KCNMA1: variants seen among roughly 807,000 people sequenced by gnomAD.
KCNMA1 encodes the protein Calcium-activated potassium channel subunit alpha-1.
Under a neutral mutation model 140.0 loss-of-function variants are expected in KCNMA1, and 29 were observed. The observed-to-expected ratio is 0.21, with a 90% CI of 0.15 to 0.28. The LOEUF (loss-of-function observed/expected upper bound fraction) is 0.28. Among genes scored for constraint, KCNMA1 ranks in the 10% least tolerant of loss-of-function variants. The probability of loss-of-function intolerance (pLI) is 1.00; values close to 1 mark genes in which losing one functional copy is unlikely to be tolerated. For missense variants in KCNMA1, 880 were observed against 1,602.2 expected (o/e 0.55, Z 7.70); for synonymous variants, 612 against 611.9 (o/e 1.00, Z 0.00).
chr10:77,560,044 G>T (rs190311527), intron 1 of KCNMA1, among the ~76,000 whole-genome samples: 2 of 152,012 alleles, frequency 1.3e-5, no homozygotes, highest in Non-Finnish European at 1.5e-5. Context: ...TCAGCCAGGC[G>T]TGGTGGCGGG....
intron 15 of KCNMA1, among the ~76,000 whole-genome samples, chr10:77,034,908 C>T (rs2094210005): frequency 6.6e-6 from 1 of 152,122 alleles, no homozygotes. Context: ...AATAGGTTCC[C>T]GGTGAGATTC....
chr10:77,494,157 A>G (rs2040972209), intron 1 of KCNMA1, among the ~76,000 whole-genome samples: 1 of 152,230 alleles, frequency 6.6e-6, no homozygotes, highest in African/African-American at 2.4e-5. Flanking sequence ...TGGGATAACC[A>G]TGGGAGAGGA....
intron 5 of KCNMA1, among the ~76,000 whole-genome samples, chr10:77,174,658 A>C (rs1008097164): frequency 1.1e-4 from 16 of 152,192 alleles, no homozygotes. Context: ...TTTTAAGTGG[A>C]TTGGTAAGCC....
At chr10:77,440,305 G>A (rs77329723) in intron 1 of KCNMA1, among the ~76,000 whole-genome samples, 5,691 of 152,280 alleles carry the variant, frequency 0.037, 372 homozygotes, top group African/African-American at 0.13. Context: ...ACTCTACAAG[G>A]TGGGTGTGAC....
intron 1 of KCNMA1, chr10:77,636,982 G>A: frequency 1.4e-6 from 2 of 1,408,210 alleles, no homozygotes; most frequent in Non-Finnish European, 1.8e-6. Flanking sequence ...CCCGACCCCG[G>A]CCCCAGCCGC....
At chr10:77,027,309 C>T (rs1010109371) in intron 16 of KCNMA1, among the ~76,000 whole-genome samples, 3 of 152,166 alleles carry the variant, frequency 2.0e-5, no homozygotes, top group Admixed American at 1.3e-4. Flanking sequence ...ACTCTCCTGG[C>T]TCATTTACAT....
chr10:77,373,627 C>G (rs1482135112), intron 2 of KCNMA1: 1 of 152,140 alleles, frequency 6.6e-6, no homozygotes, highest in African/African-American at 2.4e-5. Context: ...CGAGGAGACA[C>G]TATGTTTGTC....
chr10:77,153,877 G>A (rs2098453193), intron 5 of KCNMA1, among the ~76,000 whole-genome samples: 1 of 152,164 alleles, frequency 6.6e-6, no homozygotes, highest in South Asian at 2.1e-4. Context: ...CTAATGGACA[G>A]GAGTCTCCGG....
chr10:77,536,507 G>A (rs2058918768), intron 1 of KCNMA1, among the ~76,000 whole-genome samples: 1 of 152,156 alleles, frequency 6.6e-6, no homozygotes, highest in Non-Finnish European at 1.5e-5. Context: ...ACAAAGCTAA[G>A]GGCTTCATAC....
intron 5 of KCNMA1, among the ~76,000 whole-genome samples, chr10:77,135,506 A>G (rs2097992467): frequency 6.6e-6 from 1 of 152,242 alleles, no homozygotes; most frequent in African/African-American, 2.4e-5. Context: ...ATATATTCAG[A>G]GGAAATGAAA....
At chr10:77,262,573 CG>C (rs2062305064) in intron 2 of KCNMA1, among the ~76,000 whole-genome samples, 1 of 143,654 alleles carries the variant, frequency 7.0e-6, no homozygotes, top group Admixed American at 6.9e-5. Flanking sequence ...TGATGGGAGG[CG>C]TTTTGGTCAT....
At chr10:77,198,596 T>TC (rs2041468795) in intron 3 of KCNMA1, among the ~76,000 whole-genome samples, 2 of 147,998 alleles carry the variant, frequency 1.4e-5, no homozygotes, top group African/African-American at 2.5e-5. Flanking sequence ...TATATATATT[T>TC]CTTAACATTT....
At chr10:77,561,974 G>T (rs2066544199) in intron 1 of KCNMA1, among the ~76,000 whole-genome samples, 2 of 152,198 alleles carry the variant, frequency 1.3e-5, no homozygotes, top group African/African-American at 4.8e-5. Context: ...GAATTCAACA[G>T]CCTCATTTTA....
rs563263025 is a variant in KCNMA1, at chr10:77,480,122, C to A, written c.379-76099G>T. On this transcript the variant is annotated intron_variant, in intron 1 of 27. Transcript: ENST00000286628. ...GGACTCTTGACCCCACCAAATACGA[C>A]GCCCATATATGTCAACTGTGGCATT... is the stretch of plus-strand genomic sequence containing the variant. 9.2e-5 allele frequency among the ~76,000 whole-genome samples: 14 copies of A among 152,358 alleles called. No homozygotes were observed. In the South Asian group the frequency reaches 2.7e-3, roughly 29 times the overall value.
chr10:77,270,224 A>C (rs1375263882), intron 2 of KCNMA1, among the ~76,000 whole-genome samples: 1 of 152,154 alleles, frequency 6.6e-6, no homozygotes, highest in East Asian at 1.9e-4. Flanking sequence ...AGACTCTCTA[A>C]CTCCAACTAA....
intron 1 of KCNMA1, among the ~76,000 whole-genome samples, chr10:77,589,137 C>T (rs1414513761): frequency 6.6e-6 from 1 of 152,192 alleles, no homozygotes; most frequent in Non-Finnish European, 1.5e-5. Flanking sequence ...ATGTACCAAT[C>T]CCTAATCTAG....
chr10:77,330,283 A>G (rs571908137), intron 2 of KCNMA1, among the ~76,000 whole-genome samples: 1 of 152,188 alleles, frequency 6.6e-6, no homozygotes, highest in Non-Finnish European at 1.5e-5. Flanking sequence ...CTCAGTCCAC[A>G]TCACAACAGA....
intron 3 of KCNMA1, among the ~76,000 whole-genome samples, chr10:77,210,977 T>C (rs2045871545): frequency 1.3e-5 from 2 of 152,186 alleles, no homozygotes; most frequent in Admixed American, 1.3e-4. Context: ...ATTGTTAAAA[T>C]GGCCATACTA....
At chr10:77,027,289 T>C (rs763671387) in intron 16 of KCNMA1, among the ~76,000 whole-genome samples, 37 of 152,196 alleles carry the variant, frequency 2.4e-4, no homozygotes, top group Non-Finnish European at 4.9e-4. Context: ...AGCTCCTGCC[T>C]CTGAGCTCCA....
Sources: allele counts gnomAD v4.1 joint callset (sites outside exome capture counted in the v4.1 genomes callset), GRCh38; gene constraint gnomAD v4.1.1; transcripts MANE v1.5; gene names NCBI Gene and HGNC (gene_info 2026-07-23, HGNC 2026-07-21).